USP33: variants seen among roughly 807,000 people sequenced by gnomAD.
USP33 encodes ubiquitin carboxyl-terminal hydrolase 33.
A neutral mutation model predicts 124.2 loss-of-function variants in USP33; 46 were observed. That is an observed-to-expected ratio of 0.37 (90% CI 0.29 to 0.47). The LOEUF (loss-of-function observed/expected upper bound fraction) is 0.47. USP33 is among the 20% of genes least tolerant of loss of function. The probability of loss-of-function intolerance (pLI) is 0.99; values close to 1 mark genes in which losing one functional copy is unlikely to be tolerated. For synonymous variants in USP33, 350 were observed against 352.3 expected, an observed-to-expected ratio of 0.99 and a Z score of 0.07; for missense variants, 851 against 1,070.6, an observed-to-expected ratio of 0.79 and a Z score of 2.86.
At chr1:77,752,334 T>C (rs984761650) in intron 1 of USP33, among the ~76,000 whole-genome samples, 1 of 151,892 alleles carries the variant, frequency 6.6e-6, no homozygotes. Context: ...AGACGGAGTT[T>C]CACCGTGTTA....
intron 1 of USP33, among the ~76,000 whole-genome samples, chr1:77,758,037 T>C (rs1176383352): frequency 6.6e-6 from 1 of 152,090 alleles, no homozygotes; most frequent in African/African-American, 2.4e-5. Context: ...TGTTAAGTTA[T>C]AAAAAGTTCA....
At chr1:77,733,725 A>G (rs1678109238) in intron 7 of USP33, among the ~76,000 whole-genome samples, 1 of 152,212 alleles carries the variant, frequency 6.6e-6, no homozygotes, top group South Asian at 2.1e-4. Context: ...ATGCAAATAA[A>G]TACTCCAAAA....
At chr1:77,709,882 T>TACACACACACACAC (rs35770178) in intron 21 of USP33, among the ~76,000 whole-genome samples, 19 of 144,892 alleles carry the variant, frequency 1.3e-4, no homozygotes, top group African/African-American at 4.3e-4. Flanking sequence ...TGCATACACA[T>TACACACACACACAC]ACACACACAC....
intron 1 of USP33, among the ~76,000 whole-genome samples, chr1:77,756,060 G>C (rs1012085479): frequency 2.0e-5 from 3 of 152,098 alleles, no homozygotes. Flanking sequence ...TTTTTCACAA[G>C]TTAACTAACT....
intron 1 of USP33, among the ~76,000 whole-genome samples, chr1:77,756,730 T>A (rs556275069): frequency 6.6e-6 from 1 of 152,218 alleles, no homozygotes; most frequent in South Asian, 2.1e-4. Context: ...TTTTCCTCCT[T>A]CTCTGATTCT....
At chr1:77,725,838 T>C (rs1677101762) in intron 10 of USP33, 76 bp from the exon 11 acceptor site, 2 of 1,310,552 alleles carry the variant, frequency 1.5e-6, no homozygotes, top group African/African-American at 3.0e-5. Context: ...TAAAGGTTTC[T>C]TAATTTGATA....
chr1:77,753,035 T>C (rs535960975), intron 1 of USP33, among the ~76,000 whole-genome samples: 126 of 152,162 alleles, frequency 8.3e-4, no homozygotes, highest in Middle Eastern at 3.4e-3. Flanking sequence ...GCCAAGATCA[T>C]GCCACTGCAC....
chr1:77,718,839 G>A (rs1676218662), intron 15 of USP33, 198 bp from the exon 16 acceptor site: 2 of 425,386 alleles, frequency 4.7e-6, no homozygotes, highest in Non-Finnish European at 8.6e-6. Flanking sequence ...TGAGGCAGGA[G>A]AATCACTTGA....
chr1:77,715,811 T>C lies in USP33; in HGVS notation c.1976A>G (p.Asp659Gly), dbSNP rs759100343. 1 of 1,614,030 alleles carries C rather than the reference T, an allele frequency of 6.2e-7. No homozygotes were observed. Among genetic ancestry groups the C allele is most frequent in the Non-Finnish European group, 8.5e-7 (1 of 1,179,954 alleles). Reference sequence around the variant, plus strand: ...TGAAACTTCAGTGACACTCTGATCATCAAATTCATACCAGAGATTATTTAG... The same window carrying C: ...TGAAACTTCAGTGACACTCTGATCACCAAATTCATACCAGAGATTATTTAG... ...NNLNNLWYEFDDQSVTEVSES... is the reference protein window; with the variant it reads ...NNLNNLWYEFGDQSVTEVSES... The change falls in exon 18 of 24, where the codon GAT becomes GGT. Residue 659 changes from aspartate (D) to glycine (G), a missense_variant. Physicochemically the swap from Asp to Gly is moderately conservative, Grantham distance 94 (BLOSUM62 -1). Coordinates refer to ENST00000370794, the MANE Select transcript of USP33 (RefSeq NM_201624.3).
Position 77,739,318 on chromosome 1 carries a change from G to T in USP33, c.298C>A (p.Pro100Thr). 6.2e-7 allele frequency: 1 copy of T among 1,613,800 alleles called. No individual in the cohort carries two copies. The highest frequency in any genetic ancestry group is 8.5e-7 in the Non-Finnish European group (1 of 1,179,856). ...VFLDRKLGTQ[P>T]SLPHVRQPHQ... Reference sequence around the variant, plus strand: ...GGTTGTCTTACATGAGGCAATGAAGGCTGAGTTCCTAATTTCCTATCCAAA... The same window carrying T: ...GGTTGTCTTACATGAGGCAATGAAGTCTGAGTTCCTAATTTCCTATCCAAA... The change falls in exon 5 of 24, where the codon CCT (proline) becomes ACT (threonine). Residue 100 changes from proline (P) to threonine (T), a missense_variant. Coordinates refer to ENST00000370794, the MANE Select transcript of USP33 (RefSeq NM_201624.3).
intron 1 of USP33, chr1:77,745,600 C>A (rs1679660509): frequency 6.6e-6 from 1 of 151,990 alleles, no homozygotes; most frequent in South Asian, 2.1e-4. Context: ...TTCAGGAGCT[C>A]TTGTAAACAA....
chr1:77,752,578 A>C (rs1016262441), intron 1 of USP33, among the ~76,000 whole-genome samples: 6 of 152,218 alleles, frequency 3.9e-5, no homozygotes, highest in Non-Finnish European at 8.8e-5. Context: ...TTACAGAGAA[A>C]AAAAATTATG....
At chr1:77,730,068 CTAA>C (rs1483363524) in intron 8 of USP33, 130 bp from the exon 9 acceptor site, 1 of 826,202 alleles carries the variant, frequency 1.2e-6, no homozygotes, top group Non-Finnish European at 1.9e-6. Context: ...TCAAAACTGC[CTAA>C]TATTATGTTT....
intron 5 of USP33, among the ~76,000 whole-genome samples, chr1:77,738,726 C>T (rs1481153879): frequency 2.0e-5 from 3 of 152,110 alleles, no homozygotes; most frequent in Admixed American, 1.3e-4. Context: ...GTGATCCAGC[C>T]GCCTTGGCCT....
chr1:77,701,756 G>A (rs761136985), intron 21 of USP33: 4 of 209,328 alleles, frequency 1.9e-5, no homozygotes, highest in South Asian at 1.2e-4. Context: ...TGTAACCTCC[G>A]CCTCCCAAGT....
intron 11 of USP33, among the ~76,000 whole-genome samples, chr1:77,724,970 A>C (rs547313830): frequency 6.6e-6 from 1 of 152,256 alleles, no homozygotes; most frequent in African/African-American, 2.4e-5. Context: ...TGAACCTGGC[A>C]GGCAGAGGTT....
chr1:77,750,161 T>C (rs1028842707), intron 1 of USP33, among the ~76,000 whole-genome samples: 2 of 151,432 alleles, frequency 1.3e-5, no homozygotes, highest in African/African-American at 4.9e-5. Flanking sequence ...TTACTAAAAA[T>C]ACAAAAATTA....
chr1:77,742,354 T>G (rs1293935903), intron 1 of USP33, among the ~76,000 whole-genome samples: 2 of 152,174 alleles, frequency 1.3e-5, no homozygotes, highest in African/African-American at 4.8e-5. Context: ...TGCAGGTTAT[T>G]TGGCAACATT....
chr1:77,751,302 G>A (rs939528866), intron 1 of USP33, among the ~76,000 whole-genome samples: 3 of 152,164 alleles, frequency 2.0e-5, no homozygotes, highest in Admixed American at 1.3e-4. Context: ...CTGCACTCAC[G>A]CTCTATGATG....
Sources: allele counts gnomAD v4.1 joint callset (sites outside exome capture counted in the v4.1 genomes callset), GRCh38; gene constraint gnomAD v4.1.1; transcripts MANE v1.5; gene names NCBI Gene and HGNC (gene_info 2026-07-23, HGNC 2026-07-21).